Variants in FBXW8 observed in about 807,000 individuals in gnomAD.
FBXW8 encodes the protein F-box and WD repeat domain containing 8.
Under a neutral mutation model 65.3 loss-of-function variants are expected in FBXW8, and 57 were observed. The observed-to-expected ratio is 0.87, with a 90% confidence interval of 0.71 to 1.09. The LOEUF is 1.09. Ranked by LOEUF, FBXW8 falls within the 50% of genes least tolerant of loss-of-function variation. FBXW8 has a pLI of 0.00. For synonymous variants in FBXW8, 308 were observed against 330.2 expected, an observed-to-expected ratio of 0.93 and a Z score of 0.73; for missense variants, 777 against 814.8, an observed-to-expected ratio of 0.95 and a Z score of 0.57.
In FBXW8 at chr12:116,911,310, C is replaced by A; in HGVS notation, c.273C>A (p.Gly91=). 7.8e-7 allele frequency: 1 copy of A among 1,283,436 alleles called. No individual in the cohort carries two copies. The highest frequency in any genetic ancestry group is 9.8e-7 in the Non-Finnish European group (1 of 1,017,850). 79.5% of individuals were successfully genotyped at this position (1,283,436 alleles called of 1,614,324 possible). The change falls in exon 1 of 11, where the codon GGC becomes GGA. Residue 91 remains glycine (G), a synonymous_variant. Transcript: ENST00000652555. ...CACGTTCTCCTCTGGCCCGCGAGGG[C>A]GCCGGGGGCGGGGAGCAGCTGGTGG... ...SRSRSPLARE[G]AGGGEQLVDQ...
intron 2 of FBXW8, among the ~76,000 whole-genome samples, chr12:116,931,042 A>G (rs750201516): frequency 1.1e-4 from 17 of 152,226 alleles, no homozygotes; most frequent in Non-Finnish European, 2.1e-4. Flanking sequence ...TCCTGGCTTC[A>G]AGTAAGAGTT....
intron 4 of FBXW8, among the ~76,000 whole-genome samples, chr12:116,958,603 A>C (rs1883797522): frequency 6.6e-6 from 1 of 152,188 alleles, no homozygotes; most frequent in South Asian, 2.1e-4. Context: ...GGATCCAGTT[A>C]CTGGTGTTTA....
intron 4 of FBXW8, among the ~76,000 whole-genome samples, chr12:116,963,044 G>A (rs73222335): frequency 0.026 from 4,023 of 152,268 alleles, 82 homozygotes; most frequent in Non-Finnish European, 0.046. Context: ...TTCATCTTGT[G>A]TTTCTGTTTA....
intron 3 of FBXW8, 43 bp downstream of exon 3, chr12:116,945,571 C>T (rs753751353): frequency 1.3e-6 from 2 of 1,580,366 alleles, no homozygotes; most frequent in Non-Finnish European, 1.7e-6. Flanking sequence ...GAATAGCCTG[C>T]AAGGACATGG....
chr12:116,954,305 C>G (rs1883500073), intron 4 of FBXW8, among the ~76,000 whole-genome samples: 1 of 151,982 alleles, frequency 6.6e-6, no homozygotes, highest in Non-Finnish European at 1.5e-5. Flanking sequence ...TGACTGTAGC[C>G]TTTGTTAGAT....
chr12:116,926,968 T>C (rs905412183), intron 1 of FBXW8, among the ~76,000 whole-genome samples: 7 of 152,176 alleles, frequency 4.6e-5, no homozygotes, highest in Admixed American at 4.6e-4. Context: ...GACAGCAGCC[T>C]TGCAATACAT....
At chr12:116,977,894 ATTC>A (rs1206792262) in intron 5 of FBXW8, 1 of 152,000 alleles carries the variant, frequency 6.6e-6, no homozygotes, top group African/African-American at 2.4e-5. Flanking sequence ...GTCATTTTTC[ATTC>A]TTCTTTTTCA....
In FBXW8 at chr12:116,988,668, G is replaced by A. The variant is rs371693667; in HGVS notation, c.1038G>A (p.Gln346=). ...CAACTCTTACCTTTTAACAGGTTCA[G>A]TACCTTGAAATAGTTCCAGAAACCA... ...AAEFEVPKLV[Q]YLEIVPETRR... The change falls in exon 7 of 11, where the codon CAG becomes CAA. Residue 346 remains glutamine (Q), a synonymous_variant. Coordinates refer to ENST00000652555, the MANE Select transcript of FBXW8 (RefSeq NM_153348.3). 2.5e-5 allele frequency: 40 copies of A among 1,614,018 alleles called. No homozygotes were observed. Among genetic ancestry groups the A allele is most frequent in the Non-Finnish European group, 3.1e-5 (37 of 1,180,012 alleles).
chr12:117,004,799 A>G (rs540902105), intron 7 of FBXW8, among the ~76,000 whole-genome samples: 1 of 151,942 alleles, frequency 6.6e-6, no homozygotes, highest in East Asian at 1.9e-4. Context: ...CTGTTTCCCC[A>G]GCTCTCCAGG....
intron 6 of FBXW8, among the ~76,000 whole-genome samples, chr12:116,987,737 C>T (rs921496932): frequency 1.3e-5 from 2 of 152,162 alleles, no homozygotes; most frequent in African/African-American, 4.8e-5. Flanking sequence ...AAAAAAACCC[C>T]AACCTTTTAT....
chr12:117,027,362 C>T, intron 9 of FBXW8, 32 bp from the exon 10 acceptor site: 1 of 1,571,748 alleles, frequency 6.4e-7, no homozygotes, highest in African/African-American at 1.3e-5. Flanking sequence ...CAGTGGACGC[C>T]CCCTTACGAG....
chr12:116,914,390 C>G (rs1880233422), intron 1 of FBXW8, among the ~76,000 whole-genome samples: 1 of 150,854 alleles, frequency 6.6e-6, no homozygotes, highest in Non-Finnish European at 1.5e-5. Flanking sequence ...CAAAACCAAC[C>G]TGGGCAACGT....
At chr12:116,983,972 G>A (rs917199636) in intron 5 of FBXW8, among the ~76,000 whole-genome samples, 5 of 152,166 alleles carry the variant, frequency 3.3e-5, no homozygotes, top group Admixed American at 6.5e-5. Flanking sequence ...AAGTGCTGGA[G>A]CTGGATTTGA....
chr12:116,955,493 C>T (rs1222503721), intron 4 of FBXW8, among the ~76,000 whole-genome samples: 2 of 152,226 alleles, frequency 1.3e-5, no homozygotes, highest in Non-Finnish European at 2.9e-5. Flanking sequence ...TGCTGGACCT[C>T]CTGAAATGCT....
intron 1 of FBXW8, among the ~76,000 whole-genome samples, chr12:116,921,224 G>A (rs1007463964): frequency 3.3e-5 from 5 of 152,236 alleles, no homozygotes; most frequent in African/African-American, 1.2e-4. Context: ...TCTACTGTGT[G>A]CAATGCACTG....
rs371809248 is a variant in FBXW8, at chr12:116,949,706, G to A, written c.677G>A (p.Gly226Glu). 25 of 1,613,978 alleles carry A rather than the reference G, an allele frequency of 1.5e-5. No individual in the cohort carries two copies. The highest frequency in any genetic ancestry group is 4.5e-5 in the East Asian group (2 of 44,896). Residue 226 changes from glycine (G) to glutamate (E), a missense_variant and splice_region_variant, in exon 4 of 11, where the codon GGA becomes GAA. Transcript: ENST00000652555. Reference protein sequence around the residue: ...VHSHDGVVIAGYTSGDVRVWD... With the variant: ...VHSHDGVVIAEYTSGDVRVWD... ...TCTCACGATGGTGTGGTCATTGCGGGGTAAGCCAAACCGTTTCCACTGAGT... is the reference window on the plus strand; with the variant it reads ...TCTCACGATGGTGTGGTCATTGCGGAGTAAGCCAAACCGTTTCCACTGAGT...
intron 5 of FBXW8, among the ~76,000 whole-genome samples, chr12:116,975,095 G>C (rs1485192570): frequency 1.3e-5 from 2 of 152,128 alleles, no homozygotes; most frequent in Non-Finnish European, 2.9e-5. Flanking sequence ...AGAAGAGATA[G>C]CTCTTCCTTA....
chr12:116,915,097 CCTT>C (rs972780770), intron 1 of FBXW8, among the ~76,000 whole-genome samples: 6 of 152,296 alleles, frequency 3.9e-5, no homozygotes, highest in East Asian at 1.9e-4. Context: ...TAAACCTACT[CCTT>C]CTCTCCAGGC....
rs76180311 is a variant in FBXW8 at position 116,920,485 on chromosome 12, T to G, written c.319-7538T>G. 5.2e-4 allele frequency among the ~76,000 whole-genome samples: 79 copies of G among 152,276 alleles called. 3 individuals are homozygous for G. The East Asian group carries it at 9.8e-3, about 19-fold the overall frequency. ...GGGAGTTAGACAATGGACAAATAAT[T>G]GTCAGGTAATAAATAAATGTTCTGG... is the stretch of plus-strand genomic sequence containing the variant. On this transcript the variant is annotated intron_variant, in intron 1 of 10. Transcript: ENST00000652555.
Sources: gnomAD v4.1 joint callset for allele counts (sites outside exome capture counted in the v4.1 genomes callset) on GRCh38, gnomAD v4.1.1 for gene constraint, MANE v1.5 for transcripts, NCBI Gene and HGNC (gene_info 2026-07-23, HGNC 2026-07-21) for gene names.